Variants in ATG5 observed in about 807,000 individuals in gnomAD.
ATG5 encodes the protein autophagy protein 5.
ATG5 carries 14 observed loss-of-function variants against 36.5 expected under a neutral mutation model. That is an observed-to-expected ratio of 0.38 (90% CI 0.25 to 0.60). The LOEUF (loss-of-function observed/expected upper bound fraction) is 0.60, where lower values mean the gene tolerates loss of function less well. Ranked by LOEUF, ATG5 falls within the 20% of genes least tolerant of loss-of-function variation. ATG5 has a pLI of 0.60. For synonymous variants in ATG5, 95 were observed against 101.5 expected, an observed-to-expected ratio of 0.94 and a Z score of 0.38; for missense variants, 195 against 326.7, an observed-to-expected ratio of 0.60 and a Z score of 3.11.
At chr6:106,214,278 C>T (rs1776958381) in intron 6 of ATG5, among the ~76,000 whole-genome samples, 1 of 152,004 alleles carries the variant, frequency 6.6e-6, no homozygotes, top group Non-Finnish European at 1.5e-5. Flanking sequence ...TAGAGCTTTA[C>T]AGTAAACAGT....
At chr6:106,309,202 T>G (rs1770557443) in intron 2 of ATG5, among the ~76,000 whole-genome samples, 1 of 152,230 alleles carries the variant, frequency 6.6e-6, no homozygotes, top group Admixed American at 6.5e-5. Context: ...CTGATAAAAC[T>G]GCTTTGTTAT....
At chr6:106,303,642 A>C (rs994846385) in intron 3 of ATG5, among the ~76,000 whole-genome samples, 1 of 152,184 alleles carries the variant, frequency 6.6e-6, no homozygotes, top group Non-Finnish European at 1.5e-5. Context: ...CATAAGACAC[A>C]AAAATCCTCA....
At chr6:106,294,151 C>T (rs1227492477) in intron 3 of ATG5, among the ~76,000 whole-genome samples, 1 of 152,054 alleles carries the variant, frequency 6.6e-6, no homozygotes, top group Non-Finnish European at 1.5e-5. Context: ...GGGATGCTCA[C>T]CCTGTACTCA....
chr6:106,297,326 A>T (rs1359442315), intron 3 of ATG5, among the ~76,000 whole-genome samples: 1 of 152,174 alleles, frequency 6.6e-6, no homozygotes, highest in East Asian at 1.9e-4. Context: ...AAGAAGACTG[A>T]AGGAATTAGA....
At chr6:106,247,805 G>A (rs1313465573) in intron 6 of ATG5, among the ~76,000 whole-genome samples, 5 of 152,156 alleles carry the variant, frequency 3.3e-5, no homozygotes, top group African/African-American at 4.8e-5. Context: ...GTAGAGCCTC[G>A]CTTTGATCAA....
intron 1 of ATG5, among the ~76,000 whole-genome samples, chr6:106,317,517 G>T (rs1459809823): frequency 4.6e-5 from 7 of 152,184 alleles, no homozygotes; most frequent in Non-Finnish European, 8.8e-5. Flanking sequence ...TACGTAAACT[G>T]CAAGAGGTGG....
chr6:106,311,832 CTTTTT>C (rs539005722), intron 2 of ATG5, among the ~76,000 whole-genome samples: 1 of 141,416 alleles, frequency 7.1e-6, no homozygotes, highest in Non-Finnish European at 1.6e-5. Flanking sequence ...TGATCTCCTT[CTTTTT>C]TTTTTTTTTT....
At chr6:106,206,725 C>T (rs1776649794) in intron 6 of ATG5, among the ~76,000 whole-genome samples, 1 of 151,794 alleles carries the variant, frequency 6.6e-6, no homozygotes, top group South Asian at 2.1e-4. Flanking sequence ...AGACAATTAC[C>T]CTTAAAATAA....
intron 4 of ATG5, among the ~76,000 whole-genome samples, chr6:106,284,833 G>A (rs1339820130): frequency 6.7e-6 from 1 of 149,932 alleles, no homozygotes; most frequent in Non-Finnish European, 1.5e-5. Flanking sequence ...CGAATCCTTT[G>A]ACTAATTTTT....
chr6:106,254,688 T>C (rs1353943615), intron 5 of ATG5, among the ~76,000 whole-genome samples: 1 of 152,228 alleles, frequency 6.6e-6, no homozygotes, highest in Non-Finnish European at 1.5e-5. Flanking sequence ...AAGTGTTTCC[T>C]ATTATCATTA....
chr6:106,225,735 C>T (rs866170797), intron 6 of ATG5, among the ~76,000 whole-genome samples: 12 of 152,040 alleles, frequency 7.9e-5, no homozygotes, highest in Non-Finnish European at 1.0e-4. Flanking sequence ...CCTAGAAAAA[C>T]CTCCCTCATA....
At chr6:106,299,074 A>T (rs1226614756) in intron 3 of ATG5, among the ~76,000 whole-genome samples, 1 of 152,202 alleles carries the variant, frequency 6.6e-6, no homozygotes, top group African/African-American at 2.4e-5. Context: ...CATCTAACTT[A>T]AATTTAATAG....
chr6:106,218,363 A>C (rs1777118622), intron 6 of ATG5, among the ~76,000 whole-genome samples: 1 of 152,194 alleles, frequency 6.6e-6, no homozygotes, highest in African/African-American at 2.4e-5. Flanking sequence ...ATTCCCCAGA[A>C]ATCATAGTTA....
At chr6:106,249,490 T>G (rs1255872450) in intron 5 of ATG5, among the ~76,000 whole-genome samples, 1 of 152,244 alleles carries the variant, frequency 6.6e-6, no homozygotes, top group Non-Finnish European at 1.5e-5. Context: ...TTTTGTTCTC[T>G]CAGTTGACTG....
Position 106,241,192 on chromosome 6 carries a change from A to C in ATG5, c.573+6958T>G, listed in dbSNP as rs9486309. ...ATTAAACCCTACAACTCATCAACAA[A>C]AATACCCAAACCCAATTCAAAAATG... On this transcript the variant is annotated intron_variant, in intron 6 of 7. Coordinates refer to ENST00000369076, the MANE Select transcript of ATG5 (RefSeq NM_004849.4). Among the ~76,000 whole-genome samples the C allele has an allele frequency of 2.3e-3, 356 of 152,268 alleles. 1 individual carries two copies. Among genetic ancestry groups the C allele is most frequent in the African/African-American group, 8.2e-3 (341 of 41,560 alleles).
chr6:106,216,351 A>G (rs374796186), intron 6 of ATG5, among the ~76,000 whole-genome samples: 1 of 152,248 alleles, frequency 6.6e-6, no homozygotes, highest in South Asian at 2.1e-4. Context: ...GACAATCCAC[A>G]TGTCTATCAA....
chr6:106,287,814 A>T (rs1310742903), intron 4 of ATG5, among the ~76,000 whole-genome samples: 1 of 152,156 alleles, frequency 6.6e-6, no homozygotes, highest in Non-Finnish European at 1.5e-5. Flanking sequence ...AAAAATCTAC[A>T]TACTGTAAGT....
At chr6:106,210,228 T>A (rs996355720) in intron 6 of ATG5, among the ~76,000 whole-genome samples, 6 of 152,152 alleles carry the variant, frequency 3.9e-5, no homozygotes, top group Non-Finnish European at 7.4e-5. Flanking sequence ...TGATGAAATG[T>A]TTTCTCCATC....
intron 4 of ATG5, among the ~76,000 whole-genome samples, chr6:106,289,335 T>C (rs1346181957): frequency 1.3e-5 from 2 of 152,028 alleles, no homozygotes; most frequent in Non-Finnish European, 2.9e-5. Flanking sequence ...ATTAAACATG[T>C]GAAGACAACC....
Sources: allele counts gnomAD v4.1 joint callset (sites outside exome capture counted in the v4.1 genomes callset), GRCh38; gene constraint gnomAD v4.1.1; transcripts MANE v1.5; gene names NCBI Gene and HGNC (gene_info 2026-07-23, HGNC 2026-07-21).